The following CAMK2G variants were observed in gnomAD, a reference collection of about 807,000 sequenced individuals.
The protein encoded by CAMK2G is calcium/calmodulin-dependent protein kinase type II subunit gamma.
In CAMK2G, 23 loss-of-function variants were observed where a neutral mutation model predicts 88.7. The observed-to-expected ratio is 0.26, with a 90% confidence interval of 0.19 to 0.37. The LOEUF is 0.37. Among genes scored for constraint, CAMK2G ranks in the 10% least tolerant of loss-of-function variants. The pLI, the probability that CAMK2G is intolerant of heterozygous loss-of-function variation, is 1.00. For missense variants in CAMK2G, 476 were observed against 780.8 expected (o/e 0.61, Z 4.65); for synonymous variants, 263 against 294.8 (o/e 0.89, Z 1.11).
intron 12 of CAMK2G, chr10:73,841,960 G>T: frequency 1.7e-6 from 1 of 590,144 alleles, no homozygotes; most frequent in East Asian, 2.9e-5. Flanking sequence ...GAAGTTCTAG[G>T]AAACAATTCA....
At chr10:73,832,770 C>A (rs1185279780) in intron 14 of CAMK2G, among the ~76,000 whole-genome samples, 4 of 151,992 alleles carry the variant, frequency 2.6e-5, no homozygotes, top group African/African-American at 9.7e-5. Context: ...TTTAAAAAAT[C>A]TTTTTATTTT....
chr10:73,819,393 C>T lies in CAMK2G; in HGVS notation c.1363+139G>A, dbSNP rs552834002. The stretch of plus-strand genomic sequence containing the variant: ...TCAACAGCACCTCCAGTCTACCCCC[C>T]ACCCCCAGCAGAGGCCATGCTCCCA... On this transcript the variant is annotated intron_variant, in intron 19 of 22. Transcript: ENST00000423381. The T allele has an allele frequency of 1.6e-5, 11 of 676,926 alleles. No individual in the cohort carries two copies. The African/African-American group carries it at 1.8e-4, about 11-fold the overall frequency. 41.9% of individuals were successfully genotyped at this position (676,926 alleles called of 1,614,324 possible).
intron 2 of CAMK2G, among the ~76,000 whole-genome samples, chr10:73,869,996 G>A (rs148664424): frequency 1.7e-4 from 26 of 152,284 alleles, no homozygotes; most frequent in African/African-American, 5.1e-4. Context: ...GTAATATGGG[G>A]GAAATGCTTT....
Position 73,847,263 on chromosome 10 carries a change from T to C in CAMK2G, c.781A>G (p.Ile261Val). 1.2e-6 allele frequency: 2 copies of C among 1,614,218 alleles called. No homozygotes were observed. Among genetic ancestry groups the C allele is most frequent in the South Asian group, 2.2e-5 (2 of 91,088 alleles). The change falls in exon 10 of 23, where the codon ATC (isoleucine) becomes GTC (valine). Residue 261 changes from isoleucine (I) to valine (V), a missense_variant. By Grantham distance (29) the Ile-to-Val change is conservative. This residue lies in a region of CAMK2G where 164 missense variants were observed against 385.6 expected (regional missense o/e 0.43). Transcript: ENST00000423381. The part of the protein sequence containing the change: ...QMLTINPAKR[I>V]TADQALKHPW... ...TGCTTGAGAGCCTGGTCAGCCGTGA[T>C]GCGCTTTGCTGGGTTTATGGTCAGC...
At chr10:73,833,161 C>G (rs1313869962) in intron 14 of CAMK2G, among the ~76,000 whole-genome samples, 1 of 150,544 alleles carries the variant, frequency 6.6e-6, no homozygotes, top group Non-Finnish European at 1.5e-5. Flanking sequence ...TGGGGTCTCA[C>G]TACGTTTCCC....
intron 10 of CAMK2G, among the ~76,000 whole-genome samples, chr10:73,845,923 T>A (rs941755995): frequency 3.0e-4 from 45 of 147,856 alleles, no homozygotes; most frequent in African/African-American, 9.8e-4. Context: ...TTTTTTTTTT[T>A]AAAGAGGTGG....
Position 73,848,186 on chromosome 10 carries a change from T to C in CAMK2G, c.602-104A>G. ...GAGCCACCTAGAAAGGCAGGGGCCATACCAGAGTCAGAAGTGGATGCCAGC... is the reference window on the plus strand; with the variant it reads ...GAGCCACCTAGAAAGGCAGGGGCCACACCAGAGTCAGAAGTGGATGCCAGC... On this transcript the variant is annotated intron_variant, in intron 8 of 22. Transcript: ENST00000423381. This position sits in a 1 kb window ranked among gnomAD's most constrained non-coding sequence, Gnocchi z 4.5. The C allele has an allele frequency of 4.0e-6, 3 of 741,948 alleles. No individual in the cohort carries two copies. Among genetic ancestry groups the C allele is most frequent in the South Asian group, 3.0e-5 (2 of 66,394 alleles). The allele number at this position is 741,948 out of a possible 1,614,324, so 46.0% of individuals were successfully genotyped here. A position where few individuals can be genotyped will look rare whatever the true frequency, so the allele number is the denominator to read the frequency against.
intron 1 of CAMK2G, among the ~76,000 whole-genome samples, 166 bp downstream of exon 1, chr10:73,874,231 G>A (rs1323024639): frequency 1.4e-5 from 2 of 147,030 alleles, no homozygotes; most frequent in Non-Finnish European, 3.0e-5. Flanking sequence ...GGGATGCGGG[G>A]CAGTGCGCGG....
rs1243706960 is a variant in CAMK2G at position 73,848,957 on chromosome 10, T to TACAGGAATA, written c.517+55_517+56insTATTCCTGT. 3.4e-5 allele frequency: 37 copies of TACAGGAATA among 1,095,572 alleles called. No homozygotes were observed. The African/African-American group carries it at 5.2e-4, about 15-fold the overall frequency. 67.9% of individuals were successfully genotyped at this position (1,095,572 alleles called of 1,614,324 possible). On this transcript the variant is annotated intron_variant, in intron 7 of 22. Coordinates refer to ENST00000423381, the MANE Select transcript of CAMK2G (RefSeq NM_001367534.1). This position sits in a 1 kb window ranked among gnomAD's most constrained non-coding sequence, Gnocchi z 4.5. ...TCTAGTTCTAATAGAGGAAGGCAGATCAGGAAGAGGAGGAAGGGCGGGGGC... is the reference window on the plus strand; with the variant it reads ...TCTAGTTCTAATAGAGGAAGGCAGATACAGGAATACAGGAAGAGGAGGAAGGGCGGGGGC...
At chr10:73,856,448 A>G (rs1369649183) in intron 3 of CAMK2G, among the ~76,000 whole-genome samples, 1 of 152,170 alleles carries the variant, frequency 6.6e-6, no homozygotes, top group East Asian at 1.9e-4. Context: ...GCTACCCCGG[A>G]GCAGGCGAGG....
chr10:73,828,166 G>GT, intron 14 of CAMK2G, 45 bp from the exon 15 acceptor site: 1 of 1,547,246 alleles, frequency 6.5e-7, no homozygotes, highest in Non-Finnish European at 8.9e-7. Context: ...GAAAGAGGAG[G>GT]TAAGAAGAGA....
chr10:73,847,371 G>A, intron 9 of CAMK2G, 24 bp from the exon 10 acceptor site: 1 of 1,613,622 alleles, frequency 6.2e-7, no homozygotes, highest in East Asian at 2.2e-5. Context: ...ATAGGGAGAA[G>A]AATGTGGTAT....
In CAMK2G at chr10:73,813,164, G is replaced by C. The variant is rs1287424833; in HGVS notation, c.*1354C>G. The C allele has an allele frequency of 6.5e-6, 1 of 152,724 alleles. No homozygotes were observed. The highest frequency in any genetic ancestry group is 1.5e-5 in the Non-Finnish European group (1 of 68,058). 9.5% of individuals were successfully genotyped at this position (152,724 alleles called of 1,614,324 possible). Reference sequence around the variant, plus strand: ...TTCTTTGCTATCTGCTTAGGGTATAGATCTCTTCCTCCTGGAATGGAACTC... The same window carrying C: ...TTCTTTGCTATCTGCTTAGGGTATACATCTCTTCCTCCTGGAATGGAACTC... On this transcript the variant is annotated 3_prime_UTR_variant, in exon 23 of 23. Coordinates refer to ENST00000423381, the MANE Select transcript of CAMK2G (RefSeq NM_001367534.1).
intron 22 of CAMK2G, chr10:73,814,780 G>T: frequency 1.8e-6 from 1 of 552,000 alleles, no homozygotes. Flanking sequence ...TTTAGGGAGG[G>T]GAAGTAACCT....
In CAMK2G at chr10:73,848,689, C is replaced by G; in HGVS notation, c.518-80G>C. 1 of 798,222 alleles carries G rather than the reference C, an allele frequency of 1.3e-6. No individual in the cohort carries two copies. The highest frequency in any genetic ancestry group is 2.7e-5 in the East Asian group (1 of 37,466). 49.4% of individuals were successfully genotyped at this position (798,222 alleles called of 1,614,324 possible). The stretch of plus-strand genomic sequence containing the variant: ...TCCACACCAGCCATTTCCCCCAAGT[C>G]CCATCTTATTCCTGCTGCTTTTGCT... On this transcript the variant is annotated intron_variant, in intron 7 of 22. Transcript: ENST00000423381. The surrounding 1 kb of genome is among the most constrained non-coding windows in gnomAD (Gnocchi z 4.5).
At chr10:73,814,936 C>G (rs1475660360) in intron 22 of CAMK2G, 67 bp downstream of exon 22, 1 of 1,123,932 alleles carries the variant, frequency 8.9e-7, no homozygotes, top group East Asian at 2.5e-5. Flanking sequence ...TCCCAGCCTT[C>G]TCTTCTTCCT....
rs766777790 is a variant in CAMK2G at position 73,823,898 on chromosome 10, G to A, written c.1200+142C>T. 121 of 749,144 alleles carry A rather than the reference G, an allele frequency of 1.6e-4. 1 individual carries two copies. Among genetic ancestry groups the A allele is most frequent in the Non-Finnish European group, 2.5e-4 (105 of 416,320 alleles). 46.4% of individuals were successfully genotyped at this position (749,144 alleles called of 1,614,324 possible). A position where few individuals can be genotyped will look rare whatever the true frequency, so the allele number is the denominator to read the frequency against. On this transcript the variant is annotated intron_variant, in intron 17 of 22. Coordinates refer to ENST00000423381, the MANE Select transcript of CAMK2G (RefSeq NM_001367534.1). ...AGGTATAATGCCCTTCCTCAGCATG[G>A]AGCAACTGTGGGCACAGGCTACCTT...
At chr10:73,862,333 C>T (rs940765778) in intron 2 of CAMK2G, among the ~76,000 whole-genome samples, 8 of 139,668 alleles carry the variant, frequency 5.7e-5, no homozygotes, top group Non-Finnish European at 7.7e-5. Flanking sequence ...GCACTTCTCA[C>T]GATTCTCACA....
chr10:73,871,532 G>A (rs921063596), intron 2 of CAMK2G, among the ~76,000 whole-genome samples: 2 of 152,310 alleles, frequency 1.3e-5, no homozygotes, highest in Middle Eastern at 3.4e-3. Flanking sequence ...GTGTGGGCAA[G>A]AGAGGTATCC....
Sources: gnomAD v4.1 joint callset for allele counts (sites outside exome capture counted in the v4.1 genomes callset) on GRCh38, gnomAD v4.1.1 for gene constraint, gnomAD v4.1.1 regional missense constraint, Gnocchi (gnomAD v3.1) non-coding constraint, MANE v1.5 for transcripts, NCBI Gene and HGNC (gene_info 2026-07-23, HGNC 2026-07-21) for gene names.